The following CACNB2 variants were observed in gnomAD, a reference collection of about 807,000 sequenced individuals.
The protein encoded by CACNB2 is calcium voltage-gated channel auxiliary subunit beta 2.
A neutral mutation model predicts 73.3 loss-of-function variants in CACNB2; 42 were observed. The observed-to-expected ratio is 0.57, with a 90% CI of 0.45 to 0.74. CACNB2 has a LOEUF of 0.74. Ranked by LOEUF, CACNB2 falls within the 30% of genes least tolerant of loss-of-function variation. The probability of loss-of-function intolerance (pLI) is 0.00; values close to 1 mark genes in which losing one functional copy is unlikely to be tolerated. For missense variants in CACNB2, 940 were observed against 853.0 expected, an observed-to-expected ratio of 1.10 and a Z score of -1.27; for synonymous variants, 348 against 310.3, an observed-to-expected ratio of 1.12 and a Z score of -1.28.
chr10:18,145,187 G>C (rs1160506475), intron 1 of CACNB2, among the ~76,000 whole-genome samples: 1 of 152,236 alleles, frequency 6.6e-6, no homozygotes, highest in African/African-American at 2.4e-5. Context: ...ACAGCCTGGT[G>C]ATGGCAACAT....
intron 2 of CACNB2, among the ~76,000 whole-genome samples, chr10:18,347,612 T>C (rs1471034337): frequency 1.3e-5 from 2 of 152,098 alleles, no homozygotes; most frequent in Non-Finnish European, 2.9e-5. Context: ...TCTACTGCTC[T>C]GTCTGGAAGG....
At chr10:18,260,788 A>G in intron 2 of CACNB2, 1 of 1,012,454 alleles carries the variant, frequency 9.9e-7, no homozygotes, top group African/African-American at 1.7e-5. Context: ...GCTAAGAAGC[A>G]GTCACATAAA....
intron 3 of CACNB2, among the ~76,000 whole-genome samples, chr10:18,431,012 C>G (rs11014200): frequency 0.16 from 23,771 of 152,170 alleles, 2,158 homozygotes; most frequent in East Asian, 0.23. Flanking sequence ...GGATCTCACT[C>G]TGTCACCCAG....
chr10:18,454,883 A>G (rs1761851129), intron 3 of CACNB2, among the ~76,000 whole-genome samples: 1 of 152,138 alleles, frequency 6.6e-6, no homozygotes, highest in Non-Finnish European at 1.5e-5. Flanking sequence ...GCTACAAAAA[A>G]ATTAAAAAAT....
intron 3 of CACNB2, among the ~76,000 whole-genome samples, chr10:18,469,289 G>A (rs1035007367): frequency 6.6e-6 from 1 of 152,124 alleles, no homozygotes; most frequent in Non-Finnish European, 1.5e-5. Flanking sequence ...TATCACCCTT[G>A]GGGGTTCAAG....
chr10:18,502,961 T>TA (rs1169790917), intron 5 of CACNB2, among the ~76,000 whole-genome samples: 2 of 151,404 alleles, frequency 1.3e-5, no homozygotes, highest in South Asian at 2.1e-4. Flanking sequence ...AAACTAAAAG[T>TA]AAAAAAAGAA....
intron 2 of CACNB2, among the ~76,000 whole-genome samples, chr10:18,189,255 G>A (rs993393519): frequency 1.3e-5 from 2 of 152,052 alleles, no homozygotes; most frequent in Admixed American, 6.6e-5. Context: ...AGAATTTAAT[G>A]CTCATGAACG....
At chr10:18,207,026 A>G (rs1420688033) in intron 2 of CACNB2, among the ~76,000 whole-genome samples, 1 of 152,078 alleles carries the variant, frequency 6.6e-6, no homozygotes, top group Non-Finnish European at 1.5e-5. Context: ...TTATTTATTT[A>G]GAGACAGAGT....
At chr10:18,188,341 CACTCTGTTGTGCAGGG>C (rs2034246066) in intron 2 of CACNB2, among the ~76,000 whole-genome samples, 2 of 152,060 alleles carry the variant, frequency 1.3e-5, no homozygotes, top group Admixed American at 6.6e-5. Flanking sequence ...CCCAGAGTCC[CACTCTGTTGTGCAGGG>C]ATGCAGTGGT....
chr10:18,212,051 T>G (rs1251703788), intron 2 of CACNB2, among the ~76,000 whole-genome samples: 1 of 152,186 alleles, frequency 6.6e-6, no homozygotes, highest in Non-Finnish European at 1.5e-5. Flanking sequence ...CCTCCAGGCC[T>G]CAGGTGTTTG....
At chr10:18,409,302 G>GAAAA (rs11386791) in intron 3 of CACNB2, among the ~76,000 whole-genome samples, 1 of 137,888 alleles carries the variant, frequency 7.3e-6, no homozygotes, top group Non-Finnish European at 1.6e-5. Context: ...CTGTCTCCAG[G>GAAAA]AAAAAAAAAA....
At chr10:18,314,790 C>T (rs1000732676) in intron 2 of CACNB2, among the ~76,000 whole-genome samples, 2 of 152,152 alleles carry the variant, frequency 1.3e-5, no homozygotes, top group Non-Finnish European at 2.9e-5. Context: ...TTGTTTGATA[C>T]AGTAGCAATA....
At chr10:18,348,115 T>C (rs911890634) in intron 2 of CACNB2, among the ~76,000 whole-genome samples, 1 of 152,216 alleles carries the variant, frequency 6.6e-6, no homozygotes, top group Non-Finnish European at 1.5e-5. Context: ...CTAGGTGAAG[T>C]TAAATGTGGC....
chr10:18,367,300 G>A (rs1459721916), intron 2 of CACNB2, among the ~76,000 whole-genome samples: 1 of 151,374 alleles, frequency 6.6e-6, no homozygotes, highest in Admixed American at 6.6e-5. Flanking sequence ...ATATTATTTT[G>A]TTATATGCGG....
chr10:18,232,773 A>C (rs12354884), intron 2 of CACNB2, among the ~76,000 whole-genome samples: 2,358 of 152,314 alleles, frequency 0.015, 49 homozygotes, highest in East Asian at 0.11. Context: ...GCATAAGTCC[A>C]AATATCCCAG....
At chr10:18,400,452 A>G (rs1327546303) in intron 2 of CACNB2, 1 of 352,354 alleles carries the variant, frequency 2.8e-6, no homozygotes, top group Non-Finnish European at 4.0e-6. Flanking sequence ...TACACTTCGG[A>G]TGTAAAATGG....
chr10:18,509,582 T>G (rs1458368970), intron 6 of CACNB2, among the ~76,000 whole-genome samples: 1 of 152,066 alleles, frequency 6.6e-6, no homozygotes, highest in Non-Finnish European at 1.5e-5. Flanking sequence ...GAGGATCACT[T>G]GAGCCCAGGA....
intron 2 of CACNB2, among the ~76,000 whole-genome samples, chr10:18,235,042 C>T (rs1423541302): frequency 8.6e-5 from 13 of 151,614 alleles, no homozygotes; most frequent in Admixed American, 8.6e-4. Context: ...ACTCAGGAGG[C>T]TGAGGCAGGA....
chr10:18,405,543 T>A (rs2044242036), intron 3 of CACNB2, among the ~76,000 whole-genome samples: 1 of 152,216 alleles, frequency 6.6e-6, no homozygotes, highest in South Asian at 2.1e-4. Flanking sequence ...TGATCATCTC[T>A]TTTTAATTGA....
Sources: allele counts gnomAD v4.1 joint callset (sites outside exome capture counted in the v4.1 genomes callset), GRCh38; gene constraint gnomAD v4.1.1; transcripts MANE v1.5; gene names NCBI Gene and HGNC (gene_info 2026-07-23, HGNC 2026-07-21).